Variants in NDST3 observed in about 807,000 individuals in gnomAD.
NDST3 encodes bifunctional heparan sulfate N-deacetylase/N-sulfotransferase 3.
NDST3 carries 58 observed loss-of-function variants against 96.1 expected under a neutral mutation model. The observed-to-expected ratio is 0.60, with a 90% CI of 0.49 to 0.75. NDST3 has a LOEUF of 0.75. Ranked by LOEUF, NDST3 falls within the 30% of genes least tolerant of loss-of-function variation. The probability of loss-of-function intolerance (pLI) is 0.00; values close to 1 mark genes in which losing one functional copy is unlikely to be tolerated. For synonymous variants in NDST3, 333 were observed against 359.7 expected (o/e 0.93, Z 0.84); for missense variants, 788 against 1,034.2 (o/e 0.76, Z 3.27).
At chr4:118,252,828 T>A (rs1741835909) in intron 12 of NDST3, among the ~76,000 whole-genome samples, 1 of 151,806 alleles carries the variant, frequency 6.6e-6, no homozygotes, top group Non-Finnish European at 1.5e-5. Flanking sequence ...GAGGTGGAGG[T>A]TGCGGCGAGC....
rs755832650 is a variant in NDST3 at position 118,143,565 on chromosome 4, A to C, written c.1420A>C (p.Arg474=). 7 of 1,604,336 alleles carry C rather than the reference A, an allele frequency of 4.4e-6. No homozygotes were observed. The South Asian group carries it at 8.0e-5, about 18-fold the overall frequency. Residue 474 remains arginine (R), a synonymous_variant, in exon 6 of 14, where the codon AGA becomes CGA. Coordinates refer to ENST00000296499, the MANE Select transcript of NDST3 (RefSeq NM_004784.3). ...TTCATTTTTCCTTCAGGTTCTCCCAAGACAAACCTGTGGGCTTTTCACTCA... is the reference window on the plus strand; with the variant it reads ...TTCATTTTTCCTTCAGGTTCTCCCACGACAAACCTGTGGGCTTTTCACTCA... ...FIHKNIMVLP[R]QTCGLFTHTI...
At chr4:118,240,751 C>T (rs1740956947) in intron 11 of NDST3, 57 bp downstream of exon 11, 7 of 1,473,506 alleles carry the variant, frequency 4.8e-6, no homozygotes, top group Non-Finnish European at 6.4e-6. Flanking sequence ...GATGACTTTG[C>T]CTTAAGGTTA....
At chr4:118,061,773 T>C (rs1725914974) in intron 2 of NDST3, among the ~76,000 whole-genome samples, 1 of 152,210 alleles carries the variant, frequency 6.6e-6, no homozygotes, top group Non-Finnish European at 1.5e-5. Context: ...TTCTGAAGTA[T>C]ATCCTTTAGA....
At position 118,054,405 on chromosome 4, in the gene NDST3, C is replaced by A; in HGVS notation, c.495C>A (p.His165Gln). The A allele has an allele frequency of 6.2e-7, 1 of 1,612,862 alleles. No individual in the cohort carries two copies. The part of the protein sequence containing the change: ...VEYGVGVIGF[H>Q]KTSEKSVQSF... ...ATGGTGTGGGTGTCATTGGATTCCA[C>A]AAAACTAGTGAGAAGAGTGTACAGA... Residue 165 changes from histidine (H) to glutamine (Q), a missense_variant, in exon 2 of 14, where the codon CAC becomes CAA. By Grantham distance (24) the His-to-Gln change is conservative. Around this residue, in one of 3 missense-constraint regions of NDST3, gnomAD observed 234 missense variants for 256.9 expected, o/e 0.91. Transcript: ENST00000296499.
chr4:118,222,429 T>C (rs917289781), intron 6 of NDST3, among the ~76,000 whole-genome samples: 5 of 151,650 alleles, frequency 3.3e-5, no homozygotes, highest in African/African-American at 7.3e-5. Context: ...GAAATTGAAA[T>C]GTATTATGCC....
chr4:118,161,605 G>A lies in NDST3; in HGVS notation c.1539+17921G>A, dbSNP rs544573025. Among the ~76,000 whole-genome samples the A allele has an allele frequency of 1.5e-4, 23 of 152,268 alleles. No homozygotes were observed. The East Asian group carries it at 1.7e-3, about 12-fold the overall frequency. On this transcript the variant is annotated intron_variant, in intron 6 of 13. Transcript: ENST00000296499. ...GCGCCTATCCCCCAGCCTCGCTGCC[G>A]CCTTGCAGTTTGATCTCAGACTGCT...
At chr4:118,163,054 C>T (rs1243476188) in intron 6 of NDST3, among the ~76,000 whole-genome samples, 1 of 152,008 alleles carries the variant, frequency 6.6e-6, no homozygotes, top group African/African-American at 2.4e-5. Context: ...CAATGAGATA[C>T]CATCTCACAC....
At chr4:118,238,379 T>C (rs1330408311) in intron 10 of NDST3, among the ~76,000 whole-genome samples, 1 of 152,146 alleles carries the variant, frequency 6.6e-6, no homozygotes, top group East Asian at 1.9e-4. Flanking sequence ...ACTCTAGTAA[T>C]AATATATATG....
chr4:118,039,129 G>A (rs1279045093), intron 1 of NDST3, among the ~76,000 whole-genome samples: 1 of 152,120 alleles, frequency 6.6e-6, no homozygotes, highest in Non-Finnish European at 1.5e-5. Flanking sequence ...TTTAAAAACA[G>A]ATGCATTGCA....
At chr4:118,130,407 G>A (rs916110982) in intron 4 of NDST3, among the ~76,000 whole-genome samples, 1 of 152,074 alleles carries the variant, frequency 6.6e-6, no homozygotes. Context: ...ATTTTAAACT[G>A]AAGACAACTT....
At chr4:118,246,241 T>C (rs1037788598) in intron 12 of NDST3, among the ~76,000 whole-genome samples, 1 of 152,064 alleles carries the variant, frequency 6.6e-6, no homozygotes, top group Non-Finnish European at 1.5e-5. Flanking sequence ...CAAAAGACAA[T>C]ACCAATTTAC....
chr4:118,235,278 G>A (rs1740566185), intron 9 of NDST3, among the ~76,000 whole-genome samples: 1 of 152,106 alleles, frequency 6.6e-6, no homozygotes, highest in Non-Finnish European at 1.5e-5. Context: ...CTATAAATGT[G>A]AGCCTATTTG....
rs148254542 is a variant in NDST3 at position 118,144,992 on chromosome 4, G to A, written c.1539+1308G>A. On this transcript the variant is annotated intron_variant, in intron 6 of 13. Coordinates refer to ENST00000296499, the MANE Select transcript of NDST3 (RefSeq NM_004784.3). Reference sequence around the variant, plus strand: ...ACTCATCTTTGGACAAAACCTGCTCGTGTATTCAAAAATGGGGATAGTTTG... The same window carrying A: ...ACTCATCTTTGGACAAAACCTGCTCATGTATTCAAAAATGGGGATAGTTTG... Among the ~76,000 whole-genome samples, 690 of 152,236 alleles carry A rather than the reference G, an allele frequency of 4.5e-3. 5 individuals are homozygous for A. Among genetic ancestry groups the A allele is most frequent in the Middle Eastern group, 0.044 (13 of 294 alleles).
At chr4:118,196,562 G>A (rs1364542449) in intron 6 of NDST3, among the ~76,000 whole-genome samples, 1 of 151,970 alleles carries the variant, frequency 6.6e-6, no homozygotes, top group Admixed American at 6.5e-5. Context: ...ATTTCTTCAT[G>A]GTTCAATCTT....
At chr4:118,056,040 C>T (rs185819924) in intron 2 of NDST3, among the ~76,000 whole-genome samples, 6 of 151,926 alleles carry the variant, frequency 3.9e-5, no homozygotes, top group Non-Finnish European at 5.9e-5. Flanking sequence ...TTTAAGTTTC[C>T]ATTAAGTCTT....
intron 2 of NDST3, among the ~76,000 whole-genome samples, chr4:118,062,554 T>C (rs888517819): frequency 6.6e-6 from 1 of 152,182 alleles, no homozygotes; most frequent in East Asian, 1.9e-4. Flanking sequence ...AATAAATTAC[T>C]GTCAATATTA....
At chr4:118,202,191 ATAGTAGTAGTG>A (rs1225215454) in intron 6 of NDST3, among the ~76,000 whole-genome samples, 3 of 151,898 alleles carry the variant, frequency 2.0e-5, no homozygotes, top group African/African-American at 7.2e-5. Context: ...CTGTAGCCTT[ATAGTAGTAGTG>A]TAGTAGTAGG....
At position 118,180,262 on chromosome 4, in the gene NDST3, C is replaced by T. The variant is rs138770355; in HGVS notation, c.1539+36578C>T. Among the ~76,000 whole-genome samples, 164 of 152,240 alleles carry T rather than the reference C, an allele frequency of 1.1e-3. 1 individual carries two copies. The highest frequency in any genetic ancestry group is 1.5e-3 in the Non-Finnish European group (103 of 67,980). On this transcript the variant is annotated intron_variant, in intron 6 of 13. Coordinates refer to ENST00000296499, the MANE Select transcript of NDST3 (RefSeq NM_004784.3). ...TCAACTCTTGCCTCTCTCCCTTCCT[C>T]CCCTCTCTGGCAGTCCCCAGTGTCT...
chr4:118,058,732 T>C (rs982942664), intron 2 of NDST3, among the ~76,000 whole-genome samples: 6 of 151,664 alleles, frequency 4.0e-5, no homozygotes, highest in Non-Finnish European at 7.4e-5. Context: ...ATCTACAACC[T>C]ACCCTCAAAC....
Sources: gnomAD v4.1 joint callset for allele counts (sites outside exome capture counted in the v4.1 genomes callset) on GRCh38, gnomAD v4.1.1 for gene constraint, gnomAD v4.1.1 regional missense constraint, MANE v1.5 for transcripts, NCBI Gene and HGNC (gene_info 2026-07-23, HGNC 2026-07-21) for gene names.